The following ALK variants were observed in gnomAD, a reference collection of about 807,000 sequenced individuals.
ALK encodes the protein ALK tyrosine kinase receptor.
In ALK, 74 loss-of-function variants were observed where a neutral mutation model predicts 163.1. The ratio of observed to expected loss-of-function variants is 0.45; its 90% CI spans 0.38 to 0.55. ALK has a LOEUF of 0.55. ALK is among the 20% of genes least tolerant of loss of function. The pLI is 0.00. For synonymous variants in ALK, 960 were observed against 843.2 expected, an observed-to-expected ratio of 1.14 and a Z score of -2.40; for missense variants, 2,063 against 2,105.3, an observed-to-expected ratio of 0.98 and a Z score of 0.39.
At chr2:29,377,245 G>T (rs1668774547) in intron 5 of ALK, among the ~76,000 whole-genome samples, 1 of 152,096 alleles carries the variant, frequency 6.6e-6, no homozygotes, top group Admixed American at 6.6e-5. Flanking sequence ...GGGAAGCCAG[G>T]GTGGGCGGAT....
intron 3 of ALK, among the ~76,000 whole-genome samples, chr2:29,563,120 C>T (rs562735527): frequency 6.6e-6 from 1 of 152,296 alleles, no homozygotes; most frequent in East Asian, 1.9e-4. Flanking sequence ...GATATATTTG[C>T]TTCTTAGGCA....
intron 1 of ALK, among the ~76,000 whole-genome samples, chr2:29,850,559 A>G (rs576274524): frequency 6.6e-6 from 1 of 152,348 alleles, no homozygotes; most frequent in African/African-American, 2.4e-5. Context: ...TGGCAACTGC[A>G]GAAAAAGGCC....
chr2:29,281,150 T>C (rs1236555403), intron 9 of ALK, among the ~76,000 whole-genome samples: 2 of 152,218 alleles, frequency 1.3e-5, no homozygotes, highest in Non-Finnish European at 2.9e-5. Context: ...GGGAAGGTTC[T>C]GACATATACC....
At chr2:29,917,723 G>C (rs1033382848) in intron 1 of ALK, among the ~76,000 whole-genome samples, 1 of 152,218 alleles carries the variant, frequency 6.6e-6, no homozygotes, top group Non-Finnish European at 1.5e-5. Context: ...CACAAGGCCC[G>C]AAGTGCTTTT....
chr2:29,199,785 A>G (rs902658695), intron 26 of ALK, among the ~76,000 whole-genome samples: 1 of 149,316 alleles, frequency 6.7e-6, no homozygotes, highest in Non-Finnish European at 1.5e-5. Context: ...TTTTGATTAA[A>G]ACTTTAAACC....
rs926604353 is a variant in ALK at position 29,420,938 on chromosome 2, C to T, written c.1155-37079G>A. ...GCCCTCTCCACTTTGTGATTACATG[C>T]TCGGGGAGGTCGCATGTTCTCCCCA... On this transcript the variant is annotated intron_variant, in intron 4 of 28. Transcript: ENST00000389048. 1.7e-4 allele frequency among the ~76,000 whole-genome samples: 26 copies of T among 151,514 alleles called. 2 individuals are homozygous for T. The highest frequency in any genetic ancestry group is 6.4e-4 in the African/African-American group (26 of 40,840).
At chr2:29,252,083 C>A (rs1664828799) in intron 11 of ALK, among the ~76,000 whole-genome samples, 1 of 151,966 alleles carries the variant, frequency 6.6e-6, no homozygotes, top group Non-Finnish European at 1.5e-5. Context: ...CCCAGCTCCC[C>A]CTCACCCATT....
intron 1 of ALK, among the ~76,000 whole-genome samples, chr2:29,814,721 T>C (rs1664851030): frequency 6.6e-6 from 1 of 152,040 alleles, no homozygotes; most frequent in Non-Finnish European, 1.5e-5. Context: ...GCCTGAATCT[T>C]GGGTCTGCTT....
intron 3 of ALK, among the ~76,000 whole-genome samples, chr2:29,543,823 G>A (rs562378359): frequency 3.2e-4 from 49 of 152,110 alleles, no homozygotes; most frequent in Non-Finnish European, 1.0e-4. Context: ...CTCCTGCTCT[G>A]TTTGCTATTC....
intron 3 of ALK, among the ~76,000 whole-genome samples, chr2:29,623,326 C>T (rs1341492415): frequency 6.6e-6 from 1 of 152,136 alleles, no homozygotes; most frequent in African/African-American, 2.4e-5. Flanking sequence ...AATAGAGAAA[C>T]AGTTAAATTA....
chr2:29,753,523 T>C (rs1680433513), intron 1 of ALK, among the ~76,000 whole-genome samples: 2 of 152,160 alleles, frequency 1.3e-5, no homozygotes, highest in South Asian at 4.1e-4. Context: ...AAAATAAAGA[T>C]TGTTTACAGA....
intron 1 of ALK, among the ~76,000 whole-genome samples, chr2:29,720,782 T>A (rs1679398045): frequency 6.6e-6 from 1 of 152,058 alleles, no homozygotes; most frequent in South Asian, 2.1e-4. Context: ...CAGGGAAGGA[T>A]TTTCTAGCAG....
intron 6 of ALK, among the ~76,000 whole-genome samples, chr2:29,325,713 T>A (rs890939660): frequency 8.5e-5 from 13 of 152,270 alleles, no homozygotes; most frequent in Admixed American, 8.5e-4. Context: ...AGTTTGATCG[T>A]GGACAACCAC....
At chr2:29,666,927 G>A (rs909190919) in intron 3 of ALK, among the ~76,000 whole-genome samples, 1 of 151,910 alleles carries the variant, frequency 6.6e-6, no homozygotes, top group African/African-American at 2.4e-5. Context: ...ACATAGAAAT[G>A]AGAACATGCA....
chr2:29,710,075 T>C (rs975097169), intron 2 of ALK, among the ~76,000 whole-genome samples: 3 of 152,198 alleles, frequency 2.0e-5, no homozygotes, highest in Admixed American at 2.0e-4. Context: ...CTTCCGCATG[T>C]TGTTCTCATG....
intron 26 of ALK, among the ~76,000 whole-genome samples, chr2:29,200,774 T>TTTAC (rs1491563522): frequency 0.016 from 2,246 of 142,124 alleles, 92 homozygotes; most frequent in African/African-American, 0.054. Flanking sequence ...TATATATACG[T>TTTAC]ATATATATGT....
intron 3 of ALK, among the ~76,000 whole-genome samples, chr2:29,642,484 CA>C (rs1676732925): frequency 6.6e-6 from 1 of 151,792 alleles, no homozygotes; most frequent in African/African-American, 2.4e-5. Flanking sequence ...GAGAGACAAA[CA>C]AAAAAGGAAG....
rs115654450 is a variant in ALK, at chr2:29,268,178, G to A, written c.2041+6921C>T. Reference sequence around the variant, plus strand: ...AACCCCCACCTAGCATTAGACTGGAGGTTCATGAGGCATCTTTGAGTCTGT... The same window carrying A: ...AACCCCCACCTAGCATTAGACTGGAAGTTCATGAGGCATCTTTGAGTCTGT... On this transcript the variant is annotated intron_variant, in intron 11 of 28. Transcript: ENST00000389048. Among the ~76,000 whole-genome samples the A allele has an allele frequency of 8.5e-3, 1,302 of 152,302 alleles. 22 individuals carry two copies. The highest frequency in any genetic ancestry group is 0.029 in the African/African-American group (1,213 of 41,564).
chr2:29,451,921 G>A (rs181225701), intron 4 of ALK, among the ~76,000 whole-genome samples: 82 of 152,280 alleles, frequency 5.4e-4, no homozygotes, highest in African/African-American at 1.9e-3. Flanking sequence ...TAGGGCAGCC[G>A]CTAGCCTCAG....
Sources: gnomAD v4.1 joint callset for allele counts (sites outside exome capture counted in the v4.1 genomes callset) on GRCh38, gnomAD v4.1.1 for gene constraint, MANE v1.5 for transcripts, NCBI Gene and HGNC (gene_info 2026-07-23, HGNC 2026-07-21) for gene names.